LARGE1: variants seen among roughly 807,000 people sequenced by gnomAD.
The protein encoded by LARGE1 is xylosyl- and glucuronyltransferase LARGE1.
Under a neutral mutation model 87.6 loss-of-function variants are expected in LARGE1, and 43 were observed. That is an observed-to-expected ratio of 0.49 (90% CI 0.38 to 0.63). The LOEUF is 0.63. Among genes scored for constraint, LARGE1 ranks in the 30% least tolerant of loss-of-function variants. The pLI is 0.00. For missense variants in LARGE1, 802 were observed against 1,000.2 expected (o/e 0.80, Z 2.67); for synonymous variants, 434 against 394.6 (o/e 1.10, Z -1.18).
intron 2 of LARGE1, among the ~76,000 whole-genome samples, chr22:33,668,845 C>T (rs1350012505): frequency 2.6e-5 from 4 of 152,198 alleles, no homozygotes; most frequent in African/African-American, 9.7e-5. Context: ...TTCTTCTCAC[C>T]TTTCTAACTT....
intron 1 of LARGE1, among the ~76,000 whole-genome samples, chr22:33,825,502 C>T (rs2062755832): frequency 6.6e-6 from 1 of 151,910 alleles, no homozygotes; most frequent in South Asian, 2.1e-4. Flanking sequence ...GAAGGGGAAG[C>T]AAACATGTCC....
chr22:33,744,117 T>G (rs1314577690), intron 2 of LARGE1: 2 of 152,218 alleles, frequency 1.3e-5, no homozygotes, highest in African/African-American at 4.8e-5. Flanking sequence ...TCTATTTTAT[T>G]TGCAATCACA....
At chr22:33,535,495 A>G (rs2077015765) in intron 6 of LARGE1, among the ~76,000 whole-genome samples, 1 of 152,010 alleles carries the variant, frequency 6.6e-6, no homozygotes, top group African/African-American at 2.4e-5. Context: ...GTGAGCTGAG[A>G]TCGCACTACT....
the LARGE1 span, among the ~76,000 whole-genome samples, chr22:33,071,699 A>T: frequency 1.5e-3 from 223 of 152,206 alleles, 1 homozygote; most frequent in Non-Finnish European, 2.5e-3. Flanking sequence ...TGGAATGACT[A>T]GCATAATAAA....
intron 1 of LARGE1, among the ~76,000 whole-genome samples, chr22:33,807,786 T>C (rs2086360763): frequency 6.6e-6 from 1 of 152,216 alleles, no homozygotes; most frequent in Non-Finnish European, 1.5e-5. Context: ...TTCTTTCATT[T>C]AGTCATATGT....
chr22:33,305,999 C>T (rs955124477), intron 11 of LARGE1, among the ~76,000 whole-genome samples: 1 of 151,968 alleles, frequency 6.6e-6, no homozygotes, highest in African/African-American at 2.4e-5. Context: ...CTACCACGCC[C>T]GGCTAATTTT....
rs1431706655 is a variant in LARGE1, at chr22:33,337,748, C to T, written c.1185G>A (p.Glu395=). The T allele has an allele frequency of 1.2e-6, 2 of 1,614,204 alleles. No homozygotes were observed. ...KKLRVKNKHV[E]FFRNLYLTFL... ...AGGTCAGGTAGAGGTTGCGAAAAAA[C>T]TCCACATGCTTGTTCTTCACCCGGA... Residue 395 remains glutamate (E), a synonymous_variant, in exon 10 of 15, where the codon GAG becomes GAA. Transcript: ENST00000397394.
At chr22:33,389,523 A>G (rs2065441211) in intron 7 of LARGE1, among the ~76,000 whole-genome samples, 2 of 152,234 alleles carry the variant, frequency 1.3e-5, no homozygotes, top group African/African-American at 4.8e-5. Flanking sequence ...GTAGAGCAAG[A>G]GAGTGACTAC....
intron 11 of LARGE1, among the ~76,000 whole-genome samples, chr22:33,258,711 A>G (rs1177746765): frequency 6.6e-6 from 1 of 152,218 alleles, no homozygotes; most frequent in Non-Finnish European, 1.5e-5. Context: ...TGCAAAATAT[A>G]GTAACTAATA....
chr22:33,189,386 A>AC (rs1177335433), intron 11 of LARGE1, among the ~76,000 whole-genome samples: 7 of 152,208 alleles, frequency 4.6e-5, no homozygotes, highest in Non-Finnish European at 8.8e-5. Flanking sequence ...GTGGTGATGG[A>AC]TGACTAAATC....
chr22:33,693,285 C>T (rs191958036), intron 2 of LARGE1, among the ~76,000 whole-genome samples: 5 of 152,040 alleles, frequency 3.3e-5, no homozygotes, highest in South Asian at 2.1e-4. Context: ...AAAAACTACC[C>T]GCTGGGTACA....
chr22:33,873,898 A>C (rs2064383065), intron 1 of LARGE1, among the ~76,000 whole-genome samples: 1 of 149,502 alleles, frequency 6.7e-6, no homozygotes, highest in Non-Finnish European at 1.5e-5. Context: ...CTCCTCCCCC[A>C]CTGAGGCTGC....
chr22:33,604,996 C>T (rs2079213950), intron 4 of LARGE1, among the ~76,000 whole-genome samples: 1 of 151,654 alleles, frequency 6.6e-6, no homozygotes, highest in Non-Finnish European at 1.5e-5. Flanking sequence ...TCCAATAGCA[C>T]AGTGTAAGTT....
intron 2 of LARGE1, among the ~76,000 whole-genome samples, chr22:33,753,720 G>C (rs1428591596): frequency 6.6e-6 from 1 of 152,110 alleles, no homozygotes; most frequent in Non-Finnish European, 1.5e-5. Context: ...TTCCACCCTA[G>C]CAGGATAGCC....
At chr22:33,805,831 C>T (rs958653823) in intron 1 of LARGE1, among the ~76,000 whole-genome samples, 4 of 152,136 alleles carry the variant, frequency 2.6e-5, no homozygotes, top group African/African-American at 9.7e-5. Context: ...TTCTTCTCTT[C>T]CAATTGTTTT....
intron 9 of LARGE1, among the ~76,000 whole-genome samples, chr22:33,366,695 T>C (rs1236026340): frequency 6.6e-6 from 1 of 152,248 alleles, no homozygotes; most frequent in East Asian, 1.9e-4. Context: ...GCCATGATTG[T>C]GAGGCCTCCC....
intron 8 of LARGE1, among the ~76,000 whole-genome samples, chr22:33,383,703 A>C (rs578153653): frequency 3.3e-4 from 51 of 152,318 alleles, no homozygotes; most frequent in African/African-American, 1.2e-3. Context: ...GTAAAGGGAC[A>C]CTAGGACAGC....
At chr22:33,159,108 T>C (rs1248859585), downstream of LARGE1, among the ~76,000 whole-genome samples, 1 of 152,234 alleles carries the variant, frequency 6.6e-6, no homozygotes, top group Non-Finnish European at 1.5e-5. Context: ...CAAACCCTCA[T>C]TTCTTCTCTC....
intron 6 of LARGE1, among the ~76,000 whole-genome samples, chr22:33,540,176 C>T (rs1393155768): frequency 1.3e-5 from 2 of 152,174 alleles, no homozygotes; most frequent in African/African-American, 2.4e-5. Flanking sequence ...GCCAACTACA[C>T]TAATGAGTCA....
Sources: allele counts gnomAD v4.1 joint callset (sites outside exome capture counted in the v4.1 genomes callset), GRCh38; gene constraint gnomAD v4.1.1; transcripts MANE v1.5; gene names NCBI Gene and HGNC (gene_info 2026-07-23, HGNC 2026-07-21).